The following CENPE variants were observed in gnomAD, a reference collection of about 807,000 sequenced individuals.
CENPE encodes the protein centromere-associated protein E.
Under a neutral mutation model 336.1 loss-of-function variants are expected in CENPE, and 145 were observed. That is an observed-to-expected ratio of 0.43 (90% CI 0.38 to 0.50). The LOEUF (loss-of-function observed/expected upper bound fraction) is 0.50, where lower values mean the gene tolerates loss of function less well. Among genes scored for constraint, CENPE ranks in the 20% least tolerant of loss-of-function variants. CENPE has a pLI of 0.00. For synonymous variants in CENPE, 1,013 were observed against 984.8 expected (o/e 1.03, Z -0.54); for missense variants, 2,719 against 3,023.3 (o/e 0.90, Z 2.36).
At chr4:103,120,925 G>A (rs1409087795) in intron 43 of CENPE, among the ~76,000 whole-genome samples, 3 of 151,970 alleles carry the variant, frequency 2.0e-5, no homozygotes, top group Non-Finnish European at 4.4e-5. Context: ...TAGTAGAGAC[G>A]GGGTTTCACC....
intron 24 of CENPE, among the ~76,000 whole-genome samples, chr4:103,153,547 A>C (rs951162506): frequency 3.3e-5 from 5 of 152,210 alleles, no homozygotes; most frequent in African/African-American, 1.2e-4. Flanking sequence ...TTCACTAATC[A>C]GAACAATATG....
intron 34 of CENPE, among the ~76,000 whole-genome samples, chr4:103,142,777 A>C (rs977398659): frequency 6.6e-6 from 1 of 152,088 alleles, no homozygotes; most frequent in African/African-American, 2.4e-5. Context: ...TGGGAGGCCG[A>C]GGCGGGTGGA....
At position 103,106,117 on chromosome 4, in the gene CENPE, T is replaced by C; in HGVS notation, c.*105A>G. The C allele has an allele frequency of 1.6e-6, 1 of 609,998 alleles. No individual in the cohort carries two copies. Among genetic ancestry groups the C allele is most frequent in the Non-Finnish European group, 2.6e-6 (1 of 387,542 alleles). 37.8% of individuals were successfully genotyped at this position (609,998 alleles called of 1,614,324 possible). A position where few individuals can be genotyped will look rare whatever the true frequency, so the allele number is the denominator to read the frequency against. ...CTCTAGTGGCAAAGTAAAGACTGAA[T>C]TGAAATTAAGCTGCACTACAACATC... On this transcript the variant is annotated 3_prime_UTR_variant, in exon 49 of 49. Coordinates refer to ENST00000265148, the MANE Select transcript of CENPE (RefSeq NM_001813.3).
Position 103,174,804 on chromosome 4 carries a change from T to C in CENPE, c.1579A>G (p.Lys527Glu). Residue 527 changes from lysine (K) to glutamate (E), a missense_variant, in exon 16 of 49, where the codon AAA becomes GAA. Physicochemically the swap from Lys to Glu is moderately conservative, Grantham distance 56 (BLOSUM62 1). Coordinates refer to ENST00000265148, the MANE Select transcript of CENPE (RefSeq NM_001813.3). ...TCCAAATCATTCTTTTCTTTTAATT[T>C]CAATTCCATTTCTTCTTTTTCTGTT... ...LRTEKEEMEL[K>E]LKEKNDLDEF... The C allele has an allele frequency of 6.4e-7, 1 of 1,552,914 alleles. No individual in the cohort carries two copies. Among genetic ancestry groups the C allele is most frequent in the Non-Finnish European group, 8.7e-7 (1 of 1,148,806 alleles).
At position 103,145,968 on chromosome 4, in the gene CENPE, C is replaced by G; in HGVS notation, c.4274G>C (p.Gly1425Ala). 1 of 1,613,936 alleles carries G rather than the reference C, an allele frequency of 6.2e-7. No homozygotes were observed. The highest frequency in any genetic ancestry group is 8.5e-7 in the Non-Finnish European group (1 of 1,179,924). ...ACTTTCTTGAAGTCTTTTGGACAAT[C>G]CGAGCATTTCTATTTCTATCCTTAG... is the stretch of plus-strand genomic sequence containing the variant. ...ALLRIEIEML[G>A]LSKRLQESHD... The change falls in exon 30 of 49, where the codon GGA becomes GCA. Residue 1425 changes from glycine (G) to alanine (A), a missense_variant. Physicochemically the swap from Gly to Ala is moderately conservative, Grantham distance 60 (BLOSUM62 0). Around this residue, in one of 5 missense-constraint regions of CENPE, gnomAD observed 2,437 missense variants for 2,513.3 expected, o/e 0.97. Transcript: ENST00000265148.
intron 13 of CENPE, 115 bp from the exon 14 acceptor site, chr4:103,177,161 C>T: frequency 2.4e-6 from 2 of 849,460 alleles, no homozygotes; most frequent in South Asian, 1.9e-5. Flanking sequence ...CTTATTAAGC[C>T]TAGTTTAAAA....
At chr4:103,176,207 A>G (rs1182111264) in intron 14 of CENPE, among the ~76,000 whole-genome samples, 159 bp from the exon 15 acceptor site, 1 of 152,224 alleles carries the variant, frequency 6.6e-6, no homozygotes, top group Non-Finnish European at 1.5e-5. Context: ...ATTAATAGAT[A>G]TGGTCATTTA....
At chr4:103,115,462 G>A (rs568944552) in intron 45 of CENPE, among the ~76,000 whole-genome samples, 20 of 152,194 alleles carry the variant, frequency 1.3e-4, no homozygotes, top group African/African-American at 4.8e-4. Flanking sequence ...AAGTAAAATT[G>A]TTTTTATAAT....
intron 42 of CENPE, among the ~76,000 whole-genome samples, chr4:103,129,596 C>T (rs1256382923): frequency 1.3e-5 from 2 of 151,828 alleles, no homozygotes; most frequent in African/African-American, 4.8e-5. Context: ...ATTAGCCAGG[C>T]GTGGTGGTGC....
At chr4:103,150,146 G>A (rs1015820557) in intron 26 of CENPE, among the ~76,000 whole-genome samples, 10 of 152,092 alleles carry the variant, frequency 6.6e-5, no homozygotes, top group African/African-American at 2.4e-4. Flanking sequence ...CTTATGGGTG[G>A]CTCCCCCAAA....
chr4:103,198,238 A>G (rs1461601756), intron 1 of CENPE, 26 bp downstream of exon 1: 1 of 1,547,302 alleles, frequency 6.5e-7, no homozygotes, highest in African/African-American at 1.4e-5. Context: ...CCCAGCGGGC[A>G]CCGGGCCGTG....
chr4:103,117,882 C>A (rs986634577), intron 44 of CENPE, among the ~76,000 whole-genome samples: 2 of 152,170 alleles, frequency 1.3e-5, no homozygotes, highest in Admixed American at 1.3e-4. Context: ...CCCGCCTCAG[C>A]CTCCCAAAGT....
intron 26 of CENPE, among the ~76,000 whole-genome samples, 155 bp from the exon 27 acceptor site, chr4:103,149,563 G>C (rs1221422819): frequency 1.3e-5 from 2 of 152,174 alleles, no homozygotes; most frequent in Admixed American, 1.3e-4. Flanking sequence ...GCAGTGGTTT[G>C]AATATTGTCC....
intron 48 of CENPE, among the ~76,000 whole-genome samples, 198 bp from the exon 49 acceptor site, chr4:103,106,514 A>G (rs1748917458): frequency 6.6e-6 from 1 of 152,208 alleles, no homozygotes; most frequent in African/African-American, 2.4e-5. Context: ...TTGTCCTAAA[A>G]TGAACTATTA....
chr4:103,155,780 T>C (rs1753914455), intron 24 of CENPE, among the ~76,000 whole-genome samples: 2 of 152,036 alleles, frequency 1.3e-5, no homozygotes, highest in African/African-American at 4.8e-5. Context: ...CCGGAGTAAA[T>C]GGGGGAAAAT....
chr4:103,109,290 T>C (rs1441042186), intron 47 of CENPE, among the ~76,000 whole-genome samples: 2 of 152,206 alleles, frequency 1.3e-5, no homozygotes, highest in Non-Finnish European at 2.9e-5. Flanking sequence ...AAAATGGATC[T>C]ATATAAATTG....
chr4:103,178,580 C>T (rs1756076259), intron 13 of CENPE, among the ~76,000 whole-genome samples: 1 of 152,148 alleles, frequency 6.6e-6, no homozygotes, highest in South Asian at 2.1e-4. Context: ...ATCTAGGCCA[C>T]CTCAACACAC....
chr4:103,140,789 A>C (rs1752486991), intron 36 of CENPE, 25 bp downstream of exon 36: 1 of 1,537,972 alleles, frequency 6.5e-7, no homozygotes, highest in African/African-American at 1.4e-5. Context: ...ATATAATGGT[A>C]GGGTAAAGAG....
rs112205857 is a variant in CENPE at position 103,197,390 on chromosome 4, G to A, written c.57-540C>T. On this transcript the variant is annotated intron_variant, in intron 1 of 48. Coordinates refer to ENST00000265148, the MANE Select transcript of CENPE (RefSeq NM_001813.3). ...CTGACACCAGTTCACCCCACGGGAA[G>A]CTTTCGTCTCTGATGGGCTAATAAC... 1.6e-3 allele frequency among the ~76,000 whole-genome samples: 249 copies of A among 152,326 alleles called. 3 individuals carry two copies. The highest frequency in any genetic ancestry group is 5.6e-3 in the African/African-American group (233 of 41,578).
Sources: gnomAD v4.1 joint callset for allele counts (sites outside exome capture counted in the v4.1 genomes callset) on GRCh38, gnomAD v4.1.1 for gene constraint, gnomAD v4.1.1 regional missense constraint, MANE v1.5 for transcripts, NCBI Gene and HGNC (gene_info 2026-07-23, HGNC 2026-07-21) for gene names.